COPRS: variants seen among roughly 807,000 people sequenced by gnomAD.
COPRS encodes the protein cooperator of PRMT5.
Under a neutral mutation model 19.9 loss-of-function variants are expected in COPRS, and 11 were observed. That is an observed-to-expected ratio of 0.55 (90% CI 0.35 to 0.92). COPRS has a LOEUF of 0.92. COPRS is among the 40% of genes least tolerant of loss of function. COPRS has a pLI of 0.01. For synonymous variants in COPRS, 81 were observed against 82.7 expected, an observed-to-expected ratio of 0.98 and a Z score of 0.11; for missense variants, 225 against 229.9, an observed-to-expected ratio of 0.98 and a Z score of 0.14.
chr17:31,858,595 C>G (rs1006202266), intron 1 of COPRS, among the ~76,000 whole-genome samples: 2 of 152,202 alleles, frequency 1.3e-5, no homozygotes, highest in African/African-American at 4.8e-5. Context: ...TACATGAAAA[C>G]AAGTTTCTGG....
intron 1 of COPRS, chr17:31,858,479 C>T (rs936582719): frequency 1.1e-6 from 1 of 870,814 alleles, no homozygotes; most frequent in African/African-American, 1.8e-5. Flanking sequence ...AGGGTTCCTA[C>T]CTTCAAGCCG....
In COPRS at chr17:31,856,883, G is replaced by T; in HGVS notation, c.100-18C>A. On this transcript the variant is annotated intron_variant, in intron 1 of 3. Coordinates refer to ENST00000302362, the MANE Select transcript of COPRS (RefSeq NM_018405.4). ...AAGCCAGCCTGCAGGAAGAAGAAATGATTACCAAGGACTTGGGTATCTGGG... is the reference window on the plus strand; with the variant it reads ...AAGCCAGCCTGCAGGAAGAAGAAATTATTACCAAGGACTTGGGTATCTGGG... 2 of 1,531,680 alleles carry T rather than the reference G, an allele frequency of 1.3e-6. No homozygotes were observed. Among genetic ancestry groups the T allele is most frequent in the East Asian group, 2.3e-5 (1 of 44,432 alleles). 94.9% of individuals were successfully genotyped at this position (1,531,680 alleles called of 1,614,324 possible).
At position 31,858,940 on chromosome 17, in the gene COPRS, T is replaced by A. The variant is rs981942032; in HGVS notation, c.99+161A>T. On this transcript the variant is annotated intron_variant, in intron 1 of 3. Coordinates refer to ENST00000302362, the MANE Select transcript of COPRS (RefSeq NM_018405.4). ...CCGCGGCCCCGCGGCCTGGCCGTTT[T>A]CAGCTCGAGCGCGAGCCCAAACAGC... 5.6e-6 allele frequency: 8 copies of A among 1,438,674 alleles called. No homozygotes were observed. The African/African-American group carries it at 9.0e-5, about 16-fold the overall frequency. The allele number at this position is 1,438,674 out of a possible 1,614,324, so 89.1% of individuals were successfully genotyped here.
rs540090073 is a variant in COPRS at position 31,852,187 on chromosome 17, A to G, written c.507T>C (p.Tyr169=). 4.8e-5 allele frequency: 78 copies of G among 1,614,170 alleles called. 1 individual carries two copies. In the South Asian group the frequency reaches 7.9e-4, roughly 16 times the overall value. The change falls in exon 4 of 4, where the codon TAT becomes TAC. Residue 169 remains tyrosine (Y), a synonymous_variant. Coordinates refer to ENST00000302362, the MANE Select transcript of COPRS (RefSeq NM_018405.4). The part of the protein sequence containing the change: ...WHHPPPLIPY[Y]SKMVFETGQF... ...GTCCTGTTTCAAAGACCATCTTGGA[A>G]TAATAGGGTATCAGTGGAGGCGGAT...
At chr17:31,852,748 G>C (rs1167261282) in intron 3 of COPRS, 64 bp downstream of exon 3, 2 of 1,184,438 alleles carry the variant, frequency 1.7e-6, no homozygotes, top group African/African-American at 1.5e-5. Flanking sequence ...ACTGCCTTCA[G>C]GGCTGGTCTG....
chr17:31,856,021 T>A (rs962916915), intron 2 of COPRS, among the ~76,000 whole-genome samples: 1 of 146,626 alleles, frequency 6.8e-6, no homozygotes, highest in Non-Finnish European at 1.5e-5. Flanking sequence ...GGCAGGGGGC[T>A]GGGCACAGTG....
chr17:31,852,093 T>G lies in COPRS; in HGVS notation c.*46A>C, dbSNP rs531630213. The G allele has an allele frequency of 1.9e-6, 3 of 1,609,572 alleles. No individual in the cohort carries two copies. The highest frequency in any genetic ancestry group is 2.2e-5 in the South Asian group (2 of 90,762). On this transcript the variant is annotated 3_prime_UTR_variant, in exon 4 of 4. Transcript: ENST00000302362. ...TTCACCTCCAAGACAGGAAAAGAGA[T>G]CTTGACGTGGAGGCCCGCCCACCTA...
chr17:31,853,341 TA>T (rs1567768877), intron 2 of COPRS, among the ~76,000 whole-genome samples: 1 of 152,010 alleles, frequency 6.6e-6, no homozygotes, highest in Non-Finnish European at 1.5e-5. Flanking sequence ...CTCTGATAAA[TA>T]ATACACTTTC....
At chr17:31,858,701 C>T in intron 1 of COPRS, 1 of 1,509,918 alleles carries the variant, frequency 6.6e-7, no homozygotes, top group Non-Finnish European at 9.0e-7. Context: ...GCATCCCCAC[C>T]AACGGACAGA....
intron 2 of COPRS, among the ~76,000 whole-genome samples, chr17:31,855,253 T>A (rs1393047429): frequency 6.6e-6 from 1 of 152,156 alleles, no homozygotes; most frequent in African/African-American, 2.4e-5. Context: ...GGCTCACGCC[T>A]GTAATCCCAG....
chr17:31,858,687 G>C (rs1334722639), intron 1 of COPRS: 1 of 1,446,826 alleles, frequency 6.9e-7, no homozygotes, highest in Non-Finnish European at 9.5e-7. Context: ...CTCAGGGTTA[G>C]CTGGCATCCC....
intron 1 of COPRS, among the ~76,000 whole-genome samples, chr17:31,858,138 C>T (rs1313464222): frequency 1.3e-5 from 2 of 152,152 alleles, no homozygotes; most frequent in South Asian, 2.1e-4. Flanking sequence ...CCATGGCATT[C>T]GCACGTCCCC....
rs1236022563 is a variant in COPRS, at chr17:31,851,920, AAC to A, written c.*217_*218del. The A allele has an allele frequency of 4.5e-5, 24 of 533,718 alleles. No individual in the cohort carries two copies. The highest frequency in any genetic ancestry group is 6.7e-5 in the Non-Finnish European group (20 of 299,524). 33.1% of individuals were successfully genotyped at this position (533,718 alleles called of 1,614,324 possible). A position where few individuals can be genotyped will look rare whatever the true frequency, so the allele number is the denominator to read the frequency against. ...AAAGAACACAACTCCTCTTGACACA[AAC>A]ACACACACATTTCAAGGAGGAGCCC... On this transcript the variant is annotated 3_prime_UTR_variant, in exon 4 of 4. Coordinates refer to ENST00000302362, the MANE Select transcript of COPRS (RefSeq NM_018405.4).
chr17:31,852,851 A>G lies in COPRS; in HGVS notation c.346T>C (p.Trp116Arg). Residue 116 changes from tryptophan to arginine, a missense_variant, in exon 3 of 4, where the codon TGG (tryptophan) becomes CGG (arginine). Trp to Arg is a moderately radical substitution (Grantham distance 101). Transcript: ENST00000302362. ...TGATCTGCTTTCAACTCCGAGTCCCAGTCCTCATTAAAAAGATCGCCAGGC... is the reference window on the plus strand; with the variant it reads ...TGATCTGCTTTCAACTCCGAGTCCCGGTCCTCATTAAAAAGATCGCCAGGC... Reference protein sequence around the residue: ...EQPGDLFNEDWDSELKADQGN... With the variant: ...EQPGDLFNEDRDSELKADQGN... 3.7e-6 allele frequency: 6 copies of G among 1,614,156 alleles called. No individual in the cohort carries two copies. The highest frequency in any genetic ancestry group is 5.1e-6 in the Non-Finnish European group (6 of 1,180,012).
intron 2 of COPRS, among the ~76,000 whole-genome samples, 161 bp from the exon 3 acceptor site, chr17:31,853,191 T>G (rs1909218343): frequency 2.0e-5 from 3 of 152,320 alleles, no homozygotes; most frequent in African/African-American, 7.2e-5. Context: ...CTTTGTATGT[T>G]TTTAAAAGAG....
chr17:31,855,698 GAAAA>G (rs1431313616), intron 2 of COPRS, among the ~76,000 whole-genome samples: 3 of 143,644 alleles, frequency 2.1e-5, no homozygotes, highest in Admixed American at 1.4e-4. Flanking sequence ...AAAAAAAAAA[GAAAA>G]AGAAAAAAAG....
intron 1 of COPRS, among the ~76,000 whole-genome samples, chr17:31,857,546 C>T (rs1194181723): frequency 6.6e-6 from 1 of 152,172 alleles, no homozygotes; most frequent in Non-Finnish European, 1.5e-5. Context: ...AAAATCTTCC[C>T]GCACAGCCAA....
intron 1 of COPRS, among the ~76,000 whole-genome samples, chr17:31,857,665 T>C (rs866534688): frequency 6.6e-6 from 1 of 152,298 alleles, no homozygotes; most frequent in Middle Eastern, 3.4e-3. Flanking sequence ...AAAGACCTGA[T>C]TTTGATCCCA....
At chr17:31,854,355 CAAAAAAAAAAAA>C (rs34371712) in intron 2 of COPRS, among the ~76,000 whole-genome samples, 4 of 46,436 alleles carry the variant, frequency 8.6e-5, no homozygotes, top group South Asian at 1.3e-3. Flanking sequence ...ACCCTGTCTC[CAAAAAAAAAAAA>C]AAAAAAAAAA....
Sources: allele counts gnomAD v4.1 joint callset (sites outside exome capture counted in the v4.1 genomes callset), GRCh38; gene constraint gnomAD v4.1.1; transcripts MANE v1.5; gene names NCBI Gene and HGNC (gene_info 2026-07-23, HGNC 2026-07-21).